Variants in DTNA observed in about 807,000 individuals in gnomAD.
DTNA encodes the protein dystrophin-related protein 3.
A neutral mutation model predicts 100.7 loss-of-function variants in DTNA; 43 were observed. That is an observed-to-expected ratio of 0.43 (90% confidence interval 0.33 to 0.55). The LOEUF (loss-of-function observed/expected upper bound fraction) is 0.55, where lower values mean the gene tolerates loss of function less well. Ranked by LOEUF, DTNA falls within the 20% of genes least tolerant of loss-of-function variation. The pLI is 0.04. For synonymous variants in DTNA, 349 were observed against 347.9 expected, an observed-to-expected ratio of 1.00 and a Z score of -0.04; for missense variants, 798 against 953.9, an observed-to-expected ratio of 0.84 and a Z score of 2.15.
At chr18:34,632,306 C>T (rs910553587) in intron 1 of DTNA, among the ~76,000 whole-genome samples, 6 of 152,078 alleles carry the variant, frequency 3.9e-5, no homozygotes, top group Non-Finnish European at 1.5e-5. Flanking sequence ...GCTTATGTTC[C>T]CCTATGTTAA....
chr18:34,623,359 A>G (rs1427640662), intron 1 of DTNA, among the ~76,000 whole-genome samples: 9 of 152,244 alleles, frequency 5.9e-5, no homozygotes, highest in Non-Finnish European at 1.3e-4. Context: ...TTCATACTGT[A>G]GATTTTTGGT....
intron 1 of DTNA, among the ~76,000 whole-genome samples, chr18:34,597,827 T>C (rs2050957440): frequency 6.6e-6 from 1 of 151,242 alleles, no homozygotes. Context: ...ACCCCACTTT[T>C]CCTTTAGGGT....
At chr18:34,793,300 T>C (rs2094830121) in intron 3 of DTNA, among the ~76,000 whole-genome samples, 1 of 152,098 alleles carries the variant, frequency 6.6e-6, no homozygotes, top group South Asian at 2.1e-4. Flanking sequence ...TCAGGGCAAA[T>C]AGGGAAGAAA....
At chr18:34,665,505 A>G (rs9946070) in intron 1 of DTNA, among the ~76,000 whole-genome samples, 42,708 of 151,886 alleles carry the variant, frequency 0.28, 7,442 homozygotes, top group African/African-American at 0.49. Context: ...CATGTGCCAT[A>G]TTGGTGTGCT....
chr18:34,711,964 G>A lies in DTNA; in HGVS notation c.-2+1519G>A, dbSNP rs188052650. On this transcript the variant is annotated intron_variant, in intron 1 of 22. Coordinates refer to ENST00000444659, the MANE Select transcript of DTNA (RefSeq NM_001386795.1). The stretch of plus-strand genomic sequence containing the variant: ...TTGAGTACAAATGAGCTATGACCAT[G>A]TCTTTCAAAACATGAGATATTTTCA... Among the ~76,000 whole-genome samples, 97 of 152,120 alleles carry A rather than the reference G, an allele frequency of 6.4e-4. 1 individual carries two copies. The highest frequency in any genetic ancestry group is 2.3e-3 in the African/African-American group (96 of 41,524).
intron 1 of DTNA, among the ~76,000 whole-genome samples, chr18:34,601,481 C>A (rs1285147341): frequency 1.3e-5 from 2 of 152,162 alleles, no homozygotes; most frequent in African/African-American, 4.8e-5. Flanking sequence ...TCAAGTCCCT[C>A]CTCCTACCTC....
At chr18:34,754,240 TA>T (rs889028674) in intron 1 of DTNA, among the ~76,000 whole-genome samples, 1 of 152,166 alleles carries the variant, frequency 6.6e-6, no homozygotes, top group African/African-American at 2.4e-5. Flanking sequence ...TTTTTTTTTT[TA>T]ATTTTACCCT....
chr18:34,776,273 C>G (rs142261540), intron 3 of DTNA, among the ~76,000 whole-genome samples: 88 of 152,306 alleles, frequency 5.8e-4, no homozygotes, highest in African/African-American at 1.9e-3. Flanking sequence ...GTCAACCATT[C>G]TGAGTAATGA....
intron 1 of DTNA, among the ~76,000 whole-genome samples, chr18:34,564,300 G>A (rs534381209): frequency 6.6e-6 from 1 of 151,932 alleles, no homozygotes; most frequent in Non-Finnish European, 1.5e-5. Flanking sequence ...GCGCCACTAC[G>A]TCCAGCTACT....
At chr18:34,626,029 C>T (rs547389230) in intron 1 of DTNA, among the ~76,000 whole-genome samples, 6 of 152,218 alleles carry the variant, frequency 3.9e-5, no homozygotes, top group South Asian at 2.1e-4. Flanking sequence ...AGGAAATTCT[C>T]GTAGACTGTC....
chr18:34,794,225 A>G lies in DTNA; in HGVS notation c.337A>G (p.Asn113Asp). 6.2e-7 allele frequency: 1 copy of G among 1,613,952 alleles called. No individual in the cohort carries two copies. Among genetic ancestry groups the G allele is most frequent in the Non-Finnish European group, 8.5e-7 (1 of 1,179,958 alleles). Residue 113 changes from asparagine to aspartate, a missense_variant, in exon 4 of 23, where the codon AAC becomes GAC. Asn to Asp is a conservative substitution (Grantham distance 23). This residue lies in a region of DTNA where 197 missense variants were observed against 215.4 expected (regional missense o/e 0.91). Transcript: ENST00000444659. ...GGAGCAGTCCATCAGCCTCCTCCTT[A>G]ACTTCCTGCTTGCAGCGTTTGATCC... is the stretch of plus-strand genomic sequence containing the variant. ...HVEQSISLLL[N>D]FLLAAFDPEG...
chr18:34,755,311 G>A (rs1352269419), intron 1 of DTNA: 3 of 152,154 alleles, frequency 2.0e-5, no homozygotes, highest in East Asian at 1.9e-4. Context: ...TGGCATTTTA[G>A]TAGTATATTT....
chr18:34,657,892 G>A (rs1439266788), intron 1 of DTNA, among the ~76,000 whole-genome samples: 1 of 152,166 alleles, frequency 6.6e-6, no homozygotes, highest in Non-Finnish European at 1.5e-5. Flanking sequence ...TACACCTTTG[G>A]ACAATCATTC....
At chr18:34,875,576 C>T (rs1006138231) in intron 18 of DTNA, among the ~76,000 whole-genome samples, 178 bp downstream of exon 18, 1 of 152,210 alleles carries the variant, frequency 6.6e-6, no homozygotes, top group Non-Finnish European at 1.5e-5. Context: ...TTTGTTCTCA[C>T]TTCACGATTT....
chr18:34,740,270 A>C (rs1444812979), intron 1 of DTNA, among the ~76,000 whole-genome samples: 6 of 152,142 alleles, frequency 3.9e-5, no homozygotes, highest in Non-Finnish European at 8.8e-5. Flanking sequence ...GCATTGAAGG[A>C]CAGTGAAGTG....
chr18:34,866,664 C>A, intron 17 of DTNA: 1 of 1,004,320 alleles, frequency 1.0e-6, no homozygotes, highest in Non-Finnish European at 1.2e-6. Flanking sequence ...ATTATTGAGC[C>A]TTGTTCCCCA....
At chr18:34,501,794 G>T (rs977901844) in intron 1 of DTNA, among the ~76,000 whole-genome samples, 4 of 152,020 alleles carry the variant, frequency 2.6e-5, no homozygotes, top group Admixed American at 2.6e-4. Flanking sequence ...TCTCTCTTTG[G>T]CTTGCGGATA....
At chr18:34,752,481 T>G (rs2092404930) in intron 1 of DTNA, among the ~76,000 whole-genome samples, 1 of 152,196 alleles carries the variant, frequency 6.6e-6, no homozygotes, top group Non-Finnish European at 1.5e-5. Flanking sequence ...ACTCATGAGC[T>G]TACTTTGTCC....
intron 1 of DTNA, among the ~76,000 whole-genome samples, chr18:34,753,366 A>ATTTTATTTTATTTT (rs2092500633): frequency 7.5e-6 from 1 of 133,150 alleles, no homozygotes; most frequent in African/African-American, 3.2e-5. Flanking sequence ...TATTTATTTT[A>ATTTTATTTTATTTT]TTTTTTTTTT....
Sources: gnomAD v4.1 joint callset for allele counts (sites outside exome capture counted in the v4.1 genomes callset) on GRCh38, gnomAD v4.1.1 for gene constraint, gnomAD v4.1.1 regional missense constraint, MANE v1.5 for transcripts, NCBI Gene and HGNC (gene_info 2026-07-23, HGNC 2026-07-21) for gene names.